Variants in PPHLN1 observed in about 807,000 individuals in gnomAD.
PPHLN1 encodes the protein periphilin-1.
PPHLN1 carries 29 observed loss-of-function variants against 51.3 expected under a neutral mutation model. That is an observed-to-expected ratio of 0.57 (90% CI 0.42 to 0.77). The LOEUF is 0.77. Ranked by LOEUF, PPHLN1 falls within the 30% of genes least tolerant of loss-of-function variation. The probability of loss-of-function intolerance (pLI) is 0.00; values close to 1 mark genes in which losing one functional copy is unlikely to be tolerated. For missense variants in PPHLN1, 436 were observed against 438.4 expected (o/e 0.99, Z 0.05); for synonymous variants, 147 against 147.8 (o/e 0.99, Z 0.04).
chr12:42,408,379 CTT>C (rs35437760), intron 9 of PPHLN1, among the ~76,000 whole-genome samples: 3 of 142,270 alleles, frequency 2.1e-5, no homozygotes, highest in African/African-American at 5.2e-5. Flanking sequence ...AGTGTGGTGG[CTT>C]TTTTTTTTTT....
intron 9 of PPHLN1, chr12:42,432,348 G>A (rs1428420493): frequency 8.1e-6 from 6 of 740,042 alleles, no homozygotes; most frequent in Non-Finnish European, 1.5e-5. Flanking sequence ...ATTCTTAGCT[G>A]TTCTACTTCC....
chr12:42,384,843 G>A, intron 5 of PPHLN1, 97 bp from the exon 6 acceptor site: 1 of 1,163,912 alleles, frequency 8.6e-7, no homozygotes, highest in African/African-American at 1.5e-5. Flanking sequence ...ATGCTCAGAA[G>A]CCCCTGTTCT....
At chr12:42,446,729 GA>G, downstream of PPHLN1, 1 of 1,396,542 alleles carries the variant, frequency 7.2e-7, no homozygotes. Flanking sequence ...GTTGGTAGGA[GA>G]AGCTATAAGG....
rs1475481439 is a variant in PPHLN1 at position 42,388,569 on chromosome 12, G to C, written c.648+1034G>C. Among the ~76,000 whole-genome samples the C allele has an allele frequency of 3.3e-5, 5 of 152,264 alleles. No individual in the cohort carries two copies. In the East Asian group the frequency reaches 9.7e-4, roughly 29 times the overall value. ...GAACTCAGAGACCGGTGCTGGTGCA[G>C]GTCCTTATTATGGTGAGCGTCGGTC... On this transcript the variant is annotated intron_variant, in intron 7 of 9. Coordinates refer to ENST00000358314, the MANE Select transcript of PPHLN1 (RefSeq NM_201439.2).
chr12:42,403,828 C>T (rs2079047589), intron 9 of PPHLN1, among the ~76,000 whole-genome samples: 1 of 152,172 alleles, frequency 6.6e-6, no homozygotes, highest in Non-Finnish European at 1.5e-5. Flanking sequence ...GCTTCATTTT[C>T]TTACCTCTTC....
At position 42,354,840 on chromosome 12, in the gene PPHLN1, A is replaced by G. The variant is rs1592336631; in HGVS notation, c.238-321A>G. Among the ~76,000 whole-genome samples, 4 of 152,190 alleles carry G rather than the reference A, an allele frequency of 2.6e-5. No homozygotes were observed. The South Asian group carries it at 8.3e-4, about 32-fold the overall frequency. On this transcript the variant is annotated intron_variant, in intron 3 of 9. Transcript: ENST00000358314. ...AGAAGGAAAAATGTGAGGTTGAGAA[A>G]TGTGTGCTTTATTAAATTTAGACTT...
At chr12:42,426,196 A>G (rs2081453324) in intron 9 of PPHLN1, among the ~76,000 whole-genome samples, 1 of 148,706 alleles carries the variant, frequency 6.7e-6, no homozygotes. Context: ...ACACACACAC[A>G]CACACACACA....
chr12:42,431,915 G>A lies in PPHLN1; in HGVS notation c.910-9400G>A, dbSNP rs1022881021. ...AGAACAGCATCTTCATCAGTCCTTCGTCTACGAGACCTCGTATGACGATTA... is the reference window on the plus strand; with the variant it reads ...AGAACAGCATCTTCATCAGTCCTTCATCTACGAGACCTCGTATGACGATTA... On this transcript the variant is annotated intron_variant, in intron 9 of 9. Transcript: ENST00000358314. 2.7e-5 allele frequency: 42 copies of A among 1,578,070 alleles called. No individual in the cohort carries two copies. The African/African-American group carries it at 2.8e-4, about 11-fold the overall frequency.
chr12:42,435,331 A>C (rs1355400485), intron 9 of PPHLN1, among the ~76,000 whole-genome samples: 1 of 152,184 alleles, frequency 6.6e-6, no homozygotes, highest in Non-Finnish European at 1.5e-5. Flanking sequence ...CACATATTGA[A>C]TGTAGGCACT....
At chr12:42,423,575 A>G (rs959990049) in intron 9 of PPHLN1, among the ~76,000 whole-genome samples, 1 of 152,222 alleles carries the variant, frequency 6.6e-6, no homozygotes. Context: ...CTATATGATG[A>G]GCTGAAAGCA....
intron 9 of PPHLN1, among the ~76,000 whole-genome samples, chr12:42,400,939 C>T (rs2078787542): frequency 6.6e-6 from 1 of 152,058 alleles, no homozygotes; most frequent in African/African-American, 2.4e-5. Context: ...ACCATGTTTT[C>T]AAATACAGTC....
At chr12:42,413,324 T>G (rs1344622078) in intron 9 of PPHLN1, among the ~76,000 whole-genome samples, 2 of 152,224 alleles carry the variant, frequency 1.3e-5, no homozygotes, top group Non-Finnish European at 2.9e-5. Flanking sequence ...GGTTTCATTC[T>G]TCTATATGTG....
downstream of PPHLN1, chr12:42,446,557 A>G (rs1438579714): frequency 6.2e-7 from 1 of 1,609,852 alleles, no homozygotes; most frequent in African/African-American, 1.3e-5. Context: ...TACTAATTAT[A>G]CTCATGTTTG....
At chr12:42,425,246 ATTTTT>A (rs34484756) in intron 9 of PPHLN1, among the ~76,000 whole-genome samples, 4 of 124,830 alleles carry the variant, frequency 3.2e-5, no homozygotes, top group African/African-American at 1.2e-4. Context: ...TGCCTGGCTA[ATTTTT>A]TTTTTTTTTT....
At chr12:42,445,994 G>C (rs1009133286), downstream of PPHLN1, 2 of 1,519,586 alleles carry the variant, frequency 1.3e-6, no homozygotes, top group East Asian at 2.5e-5. Context: ...ATTCCAGCAC[G>C]ACGCATCAAA....
chr12:42,417,512 TCAA>T (rs139836701), intron 9 of PPHLN1, among the ~76,000 whole-genome samples: 4,215 of 152,136 alleles, frequency 0.028, 215 homozygotes, highest in African/African-American at 0.097. Context: ...GGTATGGAAG[TCAA>T]CAAGAGAGAC....
intron 1 of PPHLN1, among the ~76,000 whole-genome samples, chr12:42,335,148 G>T: frequency 6.6e-6 from 1 of 151,630 alleles, no homozygotes; most frequent in South Asian, 2.1e-4. Flanking sequence ...ATATACCCTT[G>T]AATTCTTTAA....
At chr12:42,332,048 AAAAT>A (rs1309493020) in intron 1 of PPHLN1, among the ~76,000 whole-genome samples, 1 of 152,182 alleles carries the variant, frequency 6.6e-6, no homozygotes, top group African/African-American at 2.4e-5. Flanking sequence ...GACTTGATAA[AAAAT>A]AAAATTAGCC....
intron 2 of PPHLN1, among the ~76,000 whole-genome samples, chr12:42,345,648 T>C (rs563645700): frequency 6.6e-6 from 1 of 151,056 alleles, no homozygotes; most frequent in East Asian, 1.9e-4. Flanking sequence ...TATGTAGATA[T>C]TTTTAATAAA....
Sources: gnomAD v4.1 joint callset for allele counts (sites outside exome capture counted in the v4.1 genomes callset) on GRCh38, gnomAD v4.1.1 for gene constraint, MANE v1.5 for transcripts, NCBI Gene and HGNC (gene_info 2026-07-23, HGNC 2026-07-21) for gene names.